The following GPHN variants were observed in gnomAD, a reference collection of about 807,000 sequenced individuals.
GPHN encodes the protein gephyrin.
In GPHN, 17 loss-of-function variants were observed where a neutral mutation model predicts 95.5. The observed-to-expected ratio is 0.18, with a 90% confidence interval of 0.12 to 0.27. The LOEUF (loss-of-function observed/expected upper bound fraction) is 0.27, where lower values mean the gene tolerates loss of function less well. Among genes scored for constraint, GPHN ranks in the 10% least tolerant of loss-of-function variants. The pLI, the probability that GPHN is intolerant of heterozygous loss-of-function variation, is 1.00. For missense variants in GPHN, 660 were observed against 978.1 expected (o/e 0.67, Z 4.34); for synonymous variants, 320 against 322.5 (o/e 0.99, Z 0.08).
the GPHN span, among the ~76,000 whole-genome samples, chr14:67,235,633 T>C: frequency 1.3e-5 from 2 of 151,632 alleles, no homozygotes; most frequent in Non-Finnish European, 2.9e-5. Context: ...CAGAATGGCG[T>C]GAACCCACGA....
chr14:67,395,027 C>T, the GPHN span, among the ~76,000 whole-genome samples: 2 of 152,086 alleles, frequency 1.3e-5, no homozygotes, highest in Non-Finnish European at 2.9e-5. Context: ...AGAAATAAAT[C>T]CCTCCTTATG....
At chr14:66,708,597 A>G (rs1035549543) in intron 2 of GPHN, among the ~76,000 whole-genome samples, 2 of 152,218 alleles carry the variant, frequency 1.3e-5, no homozygotes, top group African/African-American at 4.8e-5. Context: ...TCAGTATTTA[A>G]CACAACATGA....
chr14:67,629,808 G>C, the GPHN span, among the ~76,000 whole-genome samples: 1 of 152,218 alleles, frequency 6.6e-6, no homozygotes, highest in Admixed American at 6.5e-5. Context: ...CCAAGGACTT[G>C]CGTTAGTGAA....
chr14:66,651,202 C>T (rs1428888183), intron 1 of GPHN, among the ~76,000 whole-genome samples: 2 of 152,188 alleles, frequency 1.3e-5, no homozygotes, highest in African/African-American at 4.8e-5. Flanking sequence ...CAGCACATTT[C>T]AGTGACACAG....
the GPHN span, among the ~76,000 whole-genome samples, chr14:67,555,473 G>C: frequency 6.6e-6 from 1 of 152,148 alleles, no homozygotes; most frequent in Non-Finnish European, 1.5e-5. Context: ...TGAGAGGAAA[G>C]GGGCCTCAGG....
the GPHN span, among the ~76,000 whole-genome samples, chr14:67,429,197 C>A: frequency 3.3e-5 from 5 of 151,800 alleles, no homozygotes; most frequent in Non-Finnish European, 7.4e-5. Flanking sequence ...TGCCTGTAAT[C>A]CCAGCACTTT....
intron 9 of GPHN, among the ~76,000 whole-genome samples, chr14:66,991,650 G>C (rs1326049696): frequency 1.3e-5 from 2 of 150,670 alleles, no homozygotes; most frequent in Non-Finnish European, 3.0e-5. Context: ...AAGGCAAGTA[G>C]TATCCTCCCT....
At chr14:66,873,485 C>T (rs1399949253) in intron 4 of GPHN, among the ~76,000 whole-genome samples, 1 of 152,224 alleles carries the variant, frequency 6.6e-6, no homozygotes, top group Admixed American at 6.5e-5. Context: ...CCCACCCACA[C>T]AGAACCCAGC....
intron 11 of GPHN, among the ~76,000 whole-genome samples, chr14:67,083,950 A>G (rs2076790028): frequency 6.6e-6 from 1 of 152,164 alleles, no homozygotes. Flanking sequence ...TCTTGTAGTC[A>G]TAATCATTAA....
the GPHN span, among the ~76,000 whole-genome samples, chr14:67,193,470 GATATCTAGATACAGATAGCTAT>G: frequency 7.3e-6 from 1 of 136,800 alleles, no homozygotes; most frequent in African/African-American, 2.7e-5. Context: ...TAGATATCTA[GATATCTAGATACAGATAGCTAT>G]ATATCTAGAT....
the GPHN span, among the ~76,000 whole-genome samples, chr14:67,669,990 G>C: frequency 1.3e-5 from 2 of 152,200 alleles, no homozygotes; most frequent in Non-Finnish European, 2.9e-5. Context: ...AGCTACTCGG[G>C]AGGCTGAGGT....
chr14:67,735,104 T>A, the GPHN span: 1 of 768,682 alleles, frequency 1.3e-6, no homozygotes, highest in South Asian at 1.4e-5. Flanking sequence ...CAGCAAAGAA[T>A]GCAAAAGAAA....
At chr14:67,171,058 T>C (rs1027465881) in intron 21 of GPHN, among the ~76,000 whole-genome samples, 1 of 152,016 alleles carries the variant, frequency 6.6e-6, no homozygotes, top group African/African-American at 2.4e-5. Context: ...GTGCAGAAAA[T>C]GTCATCCTTG....
the GPHN span, among the ~76,000 whole-genome samples, chr14:67,717,010 C>T: frequency 6.6e-6 from 1 of 152,100 alleles, no homozygotes. Flanking sequence ...TGTTTTACTT[C>T]CTTCTATCAA....
chr14:67,096,446 T>C (rs2077397227), intron 12 of GPHN, among the ~76,000 whole-genome samples: 1 of 152,166 alleles, frequency 6.6e-6, no homozygotes, highest in Non-Finnish European at 1.5e-5. Flanking sequence ...TTTATGTGCA[T>C]GTGTGGGGGA....
intron 9 of GPHN, among the ~76,000 whole-genome samples, chr14:67,005,265 A>G (rs1373972802): frequency 6.6e-6 from 1 of 151,880 alleles, no homozygotes; most frequent in African/African-American, 2.4e-5. Context: ...TTCATCCACA[A>G]TATTTACAGT....
chr14:67,044,779 CTCTCTCTGTCTT>C (rs1437141360), intron 10 of GPHN, among the ~76,000 whole-genome samples: 4 of 151,706 alleles, frequency 2.6e-5, no homozygotes, highest in African/African-American at 4.9e-5. Flanking sequence ...CTCTCTGTCT[CTCTCTCTGTCTT>C]TCTCTCTGTC....
At chr14:67,585,941 C>T in the GPHN span, 2 of 1,608,204 alleles carry the variant, frequency 1.2e-6, no homozygotes, top group African/African-American at 1.3e-5. Context: ...TGACTGGTTC[C>T]TTTCCACAGC....
At chr14:67,551,094 C>T in the GPHN span, among the ~76,000 whole-genome samples, 4 of 152,198 alleles carry the variant, frequency 2.6e-5, no homozygotes, top group Non-Finnish European at 5.9e-5. Context: ...AAGCTAAATG[C>T]CCACAACACA....
Sources: allele counts gnomAD v4.1 joint callset (sites outside exome capture counted in the v4.1 genomes callset), GRCh38; gene constraint gnomAD v4.1.1; transcripts MANE v1.5; gene names NCBI Gene and HGNC (gene_info 2026-07-23, HGNC 2026-07-21).